CHST9: variants seen among roughly 807,000 people sequenced by gnomAD.
CHST9 encodes the protein GalNAc-4-sulfotransferase 2.
In CHST9, 41 loss-of-function variants were observed where a neutral mutation model predicts 44.4. The ratio of observed to expected loss-of-function variants is 0.92; its 90% CI spans 0.72 to 1.20. The LOEUF is 1.20. CHST9 is among the 50% of genes most tolerant of loss of function. The pLI, the probability that CHST9 is intolerant of heterozygous loss-of-function variation, is 0.00. For synonymous variants in CHST9, 171 were observed against 178.4 expected, an observed-to-expected ratio of 0.96 and a Z score of 0.33; for missense variants, 504 against 516.5, an observed-to-expected ratio of 0.98 and a Z score of 0.23.
chr18:27,034,415 C>T (rs1350503150), intron 3 of CHST9, among the ~76,000 whole-genome samples: 1 of 152,084 alleles, frequency 6.6e-6, no homozygotes, highest in Non-Finnish European at 1.5e-5. Flanking sequence ...AAATGGGCTC[C>T]CTATCTCCAC....
chr18:26,963,069 G>A (rs1407531862), intron 4 of CHST9, among the ~76,000 whole-genome samples: 2 of 152,086 alleles, frequency 1.3e-5, no homozygotes, highest in African/African-American at 4.8e-5. Flanking sequence ...TTAGTCATTC[G>A]TTCAGAAAAT....
chr18:27,114,580 A>G (rs992184987), intron 2 of CHST9, among the ~76,000 whole-genome samples: 2 of 152,152 alleles, frequency 1.3e-5, no homozygotes, highest in Admixed American at 6.5e-5. Flanking sequence ...ACACTTATCA[A>G]TTGTCCCCAA....
chr18:27,030,607 C>CGGCTG (rs1398406066), intron 3 of CHST9, among the ~76,000 whole-genome samples: 1 of 152,232 alleles, frequency 6.6e-6, no homozygotes, highest in African/African-American at 2.4e-5. Context: ...TGTGCACTGC[C>CGGCTG]GGCTGCCGGG....
At position 26,912,736 on chromosome 18, in the gene CHST9, G is replaced by C. The variant is rs940080099; in HGVS notation, c.*3523C>G. The C allele has an allele frequency of 2.6e-5, 4 of 152,294 alleles. No homozygotes were observed. In the East Asian group the frequency reaches 5.8e-4, roughly 22 times the overall value. 9.4% of individuals were successfully genotyped at this position (152,294 alleles called of 1,614,324 possible). Reference sequence around the variant, plus strand: ...AATGCATGTAAACTACTTGAAGAGTGCCTGACACCCAGTAAGTATTGAATA... The same window carrying C: ...AATGCATGTAAACTACTTGAAGAGTCCCTGACACCCAGTAAGTATTGAATA... On this transcript the variant is annotated 3_prime_UTR_variant, in exon 6 of 6. Transcript: ENST00000618847.
At chr18:27,097,070 A>G (rs2058124233) in intron 2 of CHST9, among the ~76,000 whole-genome samples, 1 of 152,060 alleles carries the variant, frequency 6.6e-6, no homozygotes, top group Admixed American at 6.5e-5. Flanking sequence ...TCAAAAAGTT[A>G]ATTTACCATG....
intron 2 of CHST9, among the ~76,000 whole-genome samples, chr18:27,121,920 C>A (rs1360203492): frequency 1.3e-5 from 2 of 152,170 alleles, no homozygotes; most frequent in East Asian, 3.8e-4. Flanking sequence ...CCACTTAAAA[C>A]CCAGAGTTCT....
intron 2 of CHST9, among the ~76,000 whole-genome samples, chr18:27,053,187 AGAAGAAGAAAGAACAAGAAGAG>A: frequency 6.8e-6 from 1 of 147,614 alleles, no homozygotes; most frequent in African/African-American, 2.5e-5. Flanking sequence ...AAGAAGAAGA[AGAAGAAGAAAGAACAAGAAGAG>A]GAGGAAGAGG....
intron 5 of CHST9, among the ~76,000 whole-genome samples, chr18:26,918,430 G>A (rs952738679): frequency 1.3e-5 from 2 of 152,064 alleles, no homozygotes; most frequent in African/African-American, 4.8e-5. Context: ...TAGAGGTGGA[G>A]GGAGTGGTGG....
At chr18:27,173,997 T>C (rs753231482) in intron 1 of CHST9, among the ~76,000 whole-genome samples, 6 of 152,014 alleles carry the variant, frequency 3.9e-5, no homozygotes, top group Admixed American at 2.0e-4. Context: ...ATATGAGATT[T>C]CACTTCTAAA....
At chr18:27,169,471 A>G (rs2058817035) in intron 1 of CHST9, among the ~76,000 whole-genome samples, 1 of 152,208 alleles carries the variant, frequency 6.6e-6, no homozygotes, top group Admixed American at 6.5e-5. Flanking sequence ...TACTTCTTTC[A>G]GTATTTGATA....
chr18:26,952,438 G>T, intron 4 of CHST9: 2 of 427,684 alleles, frequency 4.7e-6, no homozygotes. Context: ...TTTACCGGAG[G>T]GAAATCTTAT....
In CHST9 at chr18:26,927,137, C is replaced by T. The variant is rs2055782777; in HGVS notation, c.241-9787G>A. ...TGTTCTAAAGTATACAGTTGCTAGA[C>T]AGAGTTCTTCTTCTTGTTCTCTGGA... On this transcript the variant is annotated intron_variant, in intron 5 of 5. Coordinates refer to ENST00000618847, the MANE Select transcript of CHST9 (RefSeq NM_031422.6). Among the ~76,000 whole-genome samples, 4 of 152,304 alleles carry T rather than the reference C, an allele frequency of 2.6e-5. No homozygotes were observed. In the South Asian group the frequency reaches 8.3e-4, roughly 32 times the overall value.
intron 3 of CHST9, among the ~76,000 whole-genome samples, chr18:27,030,121 T>A (rs1304371791): frequency 1.3e-5 from 2 of 152,196 alleles, no homozygotes; most frequent in African/African-American, 4.8e-5. Flanking sequence ...AAGAAGAAAA[T>A]TTGAAAGGTA....
At chr18:27,173,637 C>A (rs1345732001) in intron 1 of CHST9, among the ~76,000 whole-genome samples, 1 of 151,672 alleles carries the variant, frequency 6.6e-6, no homozygotes, top group African/African-American at 2.4e-5. Context: ...ATAATTTTTT[C>A]TTTAGTGCTT....
chr18:26,975,725 GTATA>G (rs59671204), intron 4 of CHST9, among the ~76,000 whole-genome samples: 5,886 of 101,500 alleles, frequency 0.058, 165 homozygotes, highest in Middle Eastern at 0.079. Flanking sequence ...GTGTGTGTGT[GTATA>G]TATATATATA....
At chr18:27,007,149 T>C (rs2057026634) in intron 4 of CHST9, among the ~76,000 whole-genome samples, 1 of 152,218 alleles carries the variant, frequency 6.6e-6, no homozygotes, top group Admixed American at 6.5e-5. Flanking sequence ...TTGACAATGC[T>C]ACCTCTTTAT....
chr18:27,034,865 T>C (rs1191399701), intron 3 of CHST9, among the ~76,000 whole-genome samples: 1 of 152,236 alleles, frequency 6.6e-6, no homozygotes, highest in Admixed American at 6.5e-5. Flanking sequence ...GTGTTCTTTT[T>C]TAACTAAAAA....
chr18:27,113,155 C>T (rs987834668), intron 2 of CHST9, among the ~76,000 whole-genome samples: 3 of 149,434 alleles, frequency 2.0e-5, no homozygotes, highest in Non-Finnish European at 4.4e-5. Flanking sequence ...CGCCACTGCA[C>T]TCCAGCCTGG....
At chr18:27,108,919 T>C (rs2058245669) in intron 2 of CHST9, among the ~76,000 whole-genome samples, 1 of 152,224 alleles carries the variant, frequency 6.6e-6, no homozygotes, top group Non-Finnish European at 1.5e-5. Context: ...CTAAAATATC[T>C]TTTAAAATTT....
Sources: gnomAD v4.1 joint callset for allele counts (sites outside exome capture counted in the v4.1 genomes callset) on GRCh38, gnomAD v4.1.1 for gene constraint, MANE v1.5 for transcripts, NCBI Gene and HGNC (gene_info 2026-07-23, HGNC 2026-07-21) for gene names.